The following FAM149B1 variants were observed in gnomAD, a reference collection of about 807,000 sequenced individuals.
The protein encoded by FAM149B1 is primary cilium assembly protein FAM149B1.
A neutral mutation model predicts 75.3 loss-of-function variants in FAM149B1; 56 were observed. The observed-to-expected ratio is 0.74, with a 90% confidence interval of 0.60 to 0.93. The LOEUF (loss-of-function observed/expected upper bound fraction) is 0.93. Ranked by LOEUF, FAM149B1 falls within the 40% of genes least tolerant of loss-of-function variation. The probability of loss-of-function intolerance (pLI) is 0.00; values close to 1 mark genes in which losing one functional copy is unlikely to be tolerated. For missense variants in FAM149B1, 639 were observed against 708.4 expected (o/e 0.90, Z 1.11); for synonymous variants, 259 against 256.1 (o/e 1.01, Z -0.11).
At chr10:73,236,740 T>TC (rs964948068) in intron 12 of FAM149B1, among the ~76,000 whole-genome samples, 6 of 150,460 alleles carry the variant, frequency 4.0e-5, no homozygotes, top group African/African-American at 1.5e-4. Flanking sequence ...TTTTTTTTTT[T>TC]AAGACAGGGT....
At position 73,172,149 on chromosome 10, in the gene FAM149B1, C is replaced by A. The variant is rs147117776; in HGVS notation, c.48-2538C>A. 5.2e-4 allele frequency among the ~76,000 whole-genome samples: 79 copies of A among 152,276 alleles called. 1 individual carries two copies. The highest frequency in any genetic ancestry group is 1.6e-3 in the African/African-American group (68 of 41,562). On this transcript the variant is annotated intron_variant, in intron 1 of 13. Coordinates refer to ENST00000242505, the MANE Select transcript of FAM149B1 (RefSeq NM_173348.2). The stretch of plus-strand genomic sequence containing the variant: ...GCAGACTAAAAAATGTCTTAAGTCT[C>A]TATTTCATAGCTTGAATTTGTATTT...
At chr10:73,185,697 CTA>C (rs1236366038) in intron 3 of FAM149B1, among the ~76,000 whole-genome samples, 1 of 152,054 alleles carries the variant, frequency 6.6e-6, no homozygotes, top group African/African-American at 2.4e-5. Context: ...CCAATTCATT[CTA>C]TGAGACCAGT....
At chr10:73,220,779 AAAG>A (rs926994840) in intron 7 of FAM149B1, among the ~76,000 whole-genome samples, 1 of 152,138 alleles carries the variant, frequency 6.6e-6, no homozygotes, top group Non-Finnish European at 1.5e-5. Context: ...GAGGACAGAG[AAAG>A]AAGGTGGCCA....
chr10:73,237,546 A>T (rs2043848710), intron 12 of FAM149B1, among the ~76,000 whole-genome samples: 1 of 151,802 alleles, frequency 6.6e-6, no homozygotes, highest in South Asian at 2.1e-4. Flanking sequence ...CAGCCTCCTG[A>T]GTAGCTGGGA....
intron 5 of FAM149B1, 61 bp downstream of exon 5, chr10:73,193,654 C>A (rs77363306): frequency 6.7e-7 from 1 of 1,482,618 alleles, no homozygotes; most frequent in Non-Finnish European, 9.1e-7. Flanking sequence ...TATGTCCTAC[C>A]AGTTGTATTA....
At chr10:73,222,258 G>A (rs2043434299) in intron 7 of FAM149B1, among the ~76,000 whole-genome samples, 1 of 152,122 alleles carries the variant, frequency 6.6e-6, no homozygotes, top group South Asian at 2.1e-4. Context: ...TTTATGATTT[G>A]TTAGGTCTGG....
Position 73,192,754 on chromosome 10 carries a change from T to C in FAM149B1, c.425+56T>C, listed in dbSNP as rs1356383039. ...ATGGCTAATACTAAAATTTAAAAAG[T>C]AGATTTAAAAAAAAAGCTTGTATTC... is the stretch of plus-strand genomic sequence containing the variant. On this transcript the variant is annotated intron_variant, in intron 4 of 13. Transcript: ENST00000242505. 7.8e-6 allele frequency: 11 copies of C among 1,414,876 alleles called. No individual in the cohort carries two copies. The South Asian group carries it at 1.5e-4, about 19-fold the overall frequency. 87.6% of individuals were successfully genotyped at this position (1,414,876 alleles called of 1,614,324 possible).
At chr10:73,229,903 C>T (rs545906407) in intron 8 of FAM149B1, among the ~76,000 whole-genome samples, 14 of 152,292 alleles carry the variant, frequency 9.2e-5, no homozygotes, top group African/African-American at 3.4e-4. Flanking sequence ...ACATTACATC[C>T]TGCTAAAATT....
chr10:73,203,639 C>A (rs1222270158), intron 5 of FAM149B1, among the ~76,000 whole-genome samples: 1 of 143,932 alleles, frequency 6.9e-6, no homozygotes, highest in African/African-American at 2.8e-5. Flanking sequence ...ATTCTGTGAT[C>A]ATAATTTTTT....
Position 73,168,247 on chromosome 10 carries a change from G to A in FAM149B1, c.-93G>A. 1.4e-6 allele frequency: 2 copies of A among 1,414,270 alleles called. No individual in the cohort carries two copies. Among genetic ancestry groups the A allele is most frequent in the Non-Finnish European group, 1.9e-6 (2 of 1,043,510 alleles). 87.6% of individuals were successfully genotyped at this position (1,414,270 alleles called of 1,614,324 possible). ...GTAGGTGGCGGGAGGGGCCGGGCCG[G>A]AGCCGGCGGGAGGGCCAGGCCCGGA... On this transcript the variant is annotated 5_prime_UTR_variant, in exon 1 of 14. Coordinates refer to ENST00000242505, the MANE Select transcript of FAM149B1 (RefSeq NM_173348.2).
chr10:73,194,167 C>T (rs1250605117), intron 5 of FAM149B1, among the ~76,000 whole-genome samples: 1 of 152,066 alleles, frequency 6.6e-6, no homozygotes, highest in Non-Finnish European at 1.5e-5. Flanking sequence ...TACTAAATTT[C>T]AGCGTGAATT....
chr10:73,221,239 TTAAAA>T (rs1446299877), intron 7 of FAM149B1, among the ~76,000 whole-genome samples: 1 of 152,196 alleles, frequency 6.6e-6, no homozygotes, highest in African/African-American at 2.4e-5. Flanking sequence ...ACTGCATACT[TTAAAA>T]TGGTTAAAAT....
intron 2 of FAM149B1, among the ~76,000 whole-genome samples, chr10:73,177,224 T>C (rs538845143): frequency 6.6e-6 from 1 of 151,892 alleles, no homozygotes; most frequent in African/African-American, 2.4e-5. Context: ...AAATAAAAAG[T>C]GCCATACAAG....
Position 73,242,629 on chromosome 10 carries a change from C to G in FAM149B1, c.*1610C>G, listed in dbSNP as rs1402007798. On this transcript the variant is annotated 3_prime_UTR_variant, in exon 14 of 14. Transcript: ENST00000242505. ...ACAAGCTCAGTGGCCCAACTGAAGACATTCAGCAATTAATGGCAGGACTTC... is the reference window on the plus strand; with the variant it reads ...ACAAGCTCAGTGGCCCAACTGAAGAGATTCAGCAATTAATGGCAGGACTTC... The G allele has an allele frequency of 4.6e-5, 7 of 152,188 alleles. No individual in the cohort carries two copies. Among genetic ancestry groups the G allele is most frequent in the Admixed American group, 3.3e-4 (5 of 15,280 alleles). 9.4% of individuals were successfully genotyped at this position (152,188 alleles called of 1,614,324 possible). A position where few individuals can be genotyped will look rare whatever the true frequency, so the allele number is the denominator to read the frequency against.
At chr10:73,190,720 G>GC (rs1471716300) in intron 3 of FAM149B1, among the ~76,000 whole-genome samples, 79 of 143,062 alleles carry the variant, frequency 5.5e-4, no homozygotes, top group Admixed American at 5.5e-4. Context: ...CCCTCTGACT[G>GC]CTTTTTTTTT....
At chr10:73,184,333 G>T (rs1258449902) in intron 3 of FAM149B1, among the ~76,000 whole-genome samples, 1 of 151,940 alleles carries the variant, frequency 6.6e-6, no homozygotes, top group Non-Finnish European at 1.5e-5. Flanking sequence ...AGTTGGTGAA[G>T]CAAAAAATGA....
At position 73,241,032 on chromosome 10, in the gene FAM149B1, G is replaced by A. The variant is rs755086305; in HGVS notation, c.*13G>A. 4.9e-6 allele frequency: 7 copies of A among 1,441,846 alleles called. No individual in the cohort carries two copies. The highest frequency in any genetic ancestry group is 6.7e-6 in the Non-Finnish European group (7 of 1,051,406). 89.3% of individuals were successfully genotyped at this position (1,441,846 alleles called of 1,614,324 possible). ...GCAGGGACCATAAGGCAAATGAGAAGAATCTATCAGGCTGCAGGAAACACG... is the reference window on the plus strand; with the variant it reads ...GCAGGGACCATAAGGCAAATGAGAAAAATCTATCAGGCTGCAGGAAACACG... On this transcript the variant is annotated 3_prime_UTR_variant, in exon 14 of 14. Coordinates refer to ENST00000242505, the MANE Select transcript of FAM149B1 (RefSeq NM_173348.2).
intron 7 of FAM149B1, among the ~76,000 whole-genome samples, chr10:73,210,817 C>CGA (rs1441711423): frequency 6.6e-6 from 1 of 151,612 alleles, no homozygotes; most frequent in East Asian, 1.9e-4. Context: ...ATGAGAGACT[C>CGA]TGTCTCAAAA....
chr10:73,178,214 G>A (rs569249393), intron 3 of FAM149B1, among the ~76,000 whole-genome samples: 17 of 152,286 alleles, frequency 1.1e-4, no homozygotes, highest in Admixed American at 2.6e-4. Context: ...CATGTTGGCC[G>A]GGCACGGTGG....
Sources: gnomAD v4.1 joint callset for allele counts (sites outside exome capture counted in the v4.1 genomes callset) on GRCh38, gnomAD v4.1.1 for gene constraint, MANE v1.5 for transcripts, NCBI Gene and HGNC (gene_info 2026-07-23, HGNC 2026-07-21) for gene names.